The following NR3C1 variants were observed in gnomAD, a reference collection of about 807,000 sequenced individuals.
NR3C1 encodes nuclear receptor subfamily 3 group C member 1, also known as glucocorticoid receptor.
A neutral mutation model predicts 74.0 loss-of-function variants in NR3C1; 14 were observed. The ratio of observed to expected loss-of-function variants is 0.19; its 90% confidence interval spans 0.12 to 0.30. NR3C1 has a LOEUF of 0.30. NR3C1 is among the 10% of genes least tolerant of loss of function. The pLI, the probability that NR3C1 is intolerant of heterozygous loss-of-function variation, is 1.00. For synonymous variants in NR3C1, 308 were observed against 332.5 expected, an observed-to-expected ratio of 0.93 and a Z score of 0.80; for missense variants, 695 against 909.8, an observed-to-expected ratio of 0.76 and a Z score of 3.04.
chr5:143,338,397 A>G (rs1368079215), intron 2 of NR3C1, among the ~76,000 whole-genome samples: 2 of 150,414 alleles, frequency 1.3e-5, no homozygotes, highest in Admixed American at 6.6e-5. Flanking sequence ...TTCAGTAGGT[A>G]TATCAGAAAA....
intron 1 of NR3C1, among the ~76,000 whole-genome samples, chr5:143,431,334 C>G (rs1232859844): frequency 6.6e-6 from 1 of 152,176 alleles, no homozygotes; most frequent in African/African-American, 2.4e-5. Flanking sequence ...AGATGGAGAA[C>G]AGATTATAGA....
At chr5:143,290,427 T>C (rs1408968898) in intron 7 of NR3C1, among the ~76,000 whole-genome samples, 2 of 152,248 alleles carry the variant, frequency 1.3e-5, no homozygotes, top group Admixed American at 1.3e-4. Flanking sequence ...AAGTTGGCCA[T>C]GTCTTGGGTT....
intron 7 of NR3C1, among the ~76,000 whole-genome samples, chr5:143,293,632 T>C (rs1338359526): frequency 6.6e-6 from 1 of 152,236 alleles, no homozygotes; most frequent in Admixed American, 6.5e-5. Flanking sequence ...GTTCCACTTA[T>C]CTCTGTAGGT....
chr5:143,433,460 A>ATATATAATTTATTTATTTAACT (rs1413693943), intron 1 of NR3C1, among the ~76,000 whole-genome samples: 4 of 146,006 alleles, frequency 2.7e-5, no homozygotes, highest in Admixed American at 1.4e-4. Flanking sequence ...AATTATATAT[A>ATATATAATTTATTTATTTAACT]TATATATATA....
intron 2 of NR3C1, among the ~76,000 whole-genome samples, chr5:143,326,763 T>C (rs1824698439): frequency 1.3e-5 from 2 of 152,166 alleles, no homozygotes; most frequent in Admixed American, 1.3e-4. Context: ...TTAAGTAAAA[T>C]GAACTTAATA....
At chr5:143,397,172 T>A (rs1000941277) in intron 2 of NR3C1, among the ~76,000 whole-genome samples, 2 of 151,292 alleles carry the variant, frequency 1.3e-5, no homozygotes, top group Non-Finnish European at 3.0e-5. Context: ...AAAGTGAGGA[T>A]TTTTTTTTAA....
At chr5:143,419,669 G>A (rs1017126034) in intron 1 of NR3C1, among the ~76,000 whole-genome samples, 5 of 152,138 alleles carry the variant, frequency 3.3e-5, no homozygotes, top group African/African-American at 4.8e-5. Context: ...GAGATCACGC[G>A]CTTCACAAGG....
chr5:143,319,698 G>C (rs139647264), intron 2 of NR3C1, among the ~76,000 whole-genome samples: 1 of 151,996 alleles, frequency 6.6e-6, no homozygotes, highest in East Asian at 1.9e-4. Context: ...AGCCTACAAG[G>C]CACAGGACAG....
intron 2 of NR3C1, among the ~76,000 whole-genome samples, chr5:143,386,173 T>G (rs1221722715): frequency 6.6e-6 from 1 of 152,138 alleles, no homozygotes; most frequent in Non-Finnish European, 1.5e-5. Flanking sequence ...GAGAACTCAC[T>G]ATCATGAGAA....
intron 2 of NR3C1, among the ~76,000 whole-genome samples, chr5:143,388,389 A>G (rs1837634326): frequency 6.6e-6 from 1 of 152,136 alleles, no homozygotes; most frequent in Admixed American, 6.6e-5. Context: ...ATCCATTCCT[A>G]TATATCTTTT....
intron 1 of NR3C1, among the ~76,000 whole-genome samples, chr5:143,424,686 A>G (rs1751440646): frequency 2.0e-5 from 3 of 152,284 alleles, no homozygotes; most frequent in Non-Finnish European, 4.4e-5. Flanking sequence ...TGTACAATGT[A>G]TGAATGAGAG....
At chr5:143,333,997 G>A (rs1044000193) in intron 2 of NR3C1, among the ~76,000 whole-genome samples, 6 of 152,184 alleles carry the variant, frequency 3.9e-5, no homozygotes, top group African/African-American at 9.7e-5. Context: ...GGAAGCATGC[G>A]TTTTGTTGTT....
At position 143,300,566 on chromosome 5, in the gene NR3C1, T is replaced by C. The variant is rs938836578; in HGVS notation, c.1666A>G (p.Thr556Ala). The change falls in exon 5 of 9, where the codon ACT becomes GCT. Residue 556 changes from threonine (T) to alanine (A), a missense_variant. Transcript: ENST00000394464. This position sits in a 1 kb window ranked among gnomAD's most constrained non-coding sequence, Gnocchi z 5.2. The part of the protein sequence containing the change: ...AGYDSSVPDS[T>A]WRIMTTLNML... ...TTGAGCGTAGTCATGATCCTCCAAG[T>C]TGAGTCTGGAACAGAGCTATCATAT... 2 of 1,614,198 alleles carry C rather than the reference T, an allele frequency of 1.2e-6. No individual in the cohort carries two copies. The highest frequency in any genetic ancestry group is 3.3e-5 in the Admixed American group (2 of 60,020).
At chr5:143,396,500 C>A (rs544917195) in intron 2 of NR3C1, among the ~76,000 whole-genome samples, 1 of 151,724 alleles carries the variant, frequency 6.6e-6, no homozygotes, top group African/African-American at 2.4e-5. Flanking sequence ...CAAAACAAAT[C>A]TCTTCTCTTC....
At chr5:143,382,845 C>T (rs1836501297) in intron 2 of NR3C1, among the ~76,000 whole-genome samples, 1 of 152,204 alleles carries the variant, frequency 6.6e-6, no homozygotes, top group African/African-American at 2.4e-5. Context: ...ACAAATGTCC[C>T]TGGGGTGTAT....
intron 2 of NR3C1, among the ~76,000 whole-genome samples, chr5:143,330,031 C>T (rs1339885003): frequency 2.0e-5 from 3 of 152,090 alleles, no homozygotes; most frequent in African/African-American, 4.8e-5. Flanking sequence ...AGTAAACTAT[C>T]GTGTAGTTTC....
intron 1 of NR3C1, among the ~76,000 whole-genome samples, chr5:143,430,541 G>C (rs1751764904): frequency 6.6e-6 from 1 of 152,192 alleles, no homozygotes. Flanking sequence ...AGGAGGTAGG[G>C]CCTTTGTAAG....
At chr5:143,350,834 C>A (rs1830107799) in intron 2 of NR3C1, among the ~76,000 whole-genome samples, 1 of 152,162 alleles carries the variant, frequency 6.6e-6, no homozygotes, top group South Asian at 2.1e-4. Context: ...GTCACAGAAA[C>A]CACTGGCAGA....
At chr5:143,362,374 T>C (rs894057216) in intron 2 of NR3C1, among the ~76,000 whole-genome samples, 2 of 151,914 alleles carry the variant, frequency 1.3e-5, no homozygotes, top group African/African-American at 4.8e-5. Flanking sequence ...TTTTTTTTTT[T>C]TGTTGAGACG....
Sources: gnomAD v4.1 joint callset for allele counts (sites outside exome capture counted in the v4.1 genomes callset) on GRCh38, gnomAD v4.1.1 for gene constraint, Gnocchi (gnomAD v3.1) non-coding constraint, MANE v1.5 for transcripts, NCBI Gene and HGNC (gene_info 2026-07-23, HGNC 2026-07-21) for gene names.